The following CYP4X1 variants were observed in gnomAD, a reference collection of about 807,000 sequenced individuals.
The protein encoded by CYP4X1 is cytochrome P450 family 4 subfamily X member 1.
Under a neutral mutation model 57.9 loss-of-function variants are expected in CYP4X1, and 44 were observed. That is an observed-to-expected ratio of 0.76 (90% CI 0.60 to 0.98). The LOEUF (loss-of-function observed/expected upper bound fraction) is 0.98. CYP4X1 is among the 50% of genes least tolerant of loss of function. The probability of loss-of-function intolerance (pLI) is 0.00; values close to 1 mark genes in which losing one functional copy is unlikely to be tolerated. For missense variants in CYP4X1, 532 were observed against 623.9 expected (o/e 0.85, Z 1.57); for synonymous variants, 227 against 228.6 (o/e 0.99, Z 0.06).
At chr1:46,964,881 C>T in the CYP4X1 span, among the ~76,000 whole-genome samples, 1 of 152,210 alleles carries the variant, frequency 6.6e-6, no homozygotes, top group African/African-American at 2.4e-5. Context: ...CTGCAGTGGG[C>T]TTCACCCAGT....
chr1:47,037,579 A>G (rs1289733722), intron 6 of CYP4X1, among the ~76,000 whole-genome samples: 1 of 152,106 alleles, frequency 6.6e-6, no homozygotes, highest in Non-Finnish European at 1.5e-5. Context: ...TAGATTAGAT[A>G]AGTCCTTGTT....
chr1:46,998,138 GTTTT>G, the CYP4X1 span, among the ~76,000 whole-genome samples: 29 of 151,416 alleles, frequency 1.9e-4, no homozygotes, highest in African/African-American at 7.0e-4. Flanking sequence ...GGTTTATTAG[GTTTT>G]TTTGTTTGTT....
the CYP4X1 span, among the ~76,000 whole-genome samples, chr1:46,982,389 T>G: frequency 8.5e-5 from 13 of 152,350 alleles, no homozygotes; most frequent in Non-Finnish European, 2.9e-5. Flanking sequence ...TTCTTTCTAG[T>G]TAAGAACCAT....
chr1:47,023,664 C>T (rs1644023401), upstream of CYP4X1: 2 of 1,418,562 alleles, frequency 1.4e-6, no homozygotes, highest in Admixed American at 2.9e-5. Context: ...TGAGCTGCCC[C>T]TCCCACTGCC....
the CYP4X1 span, among the ~76,000 whole-genome samples, chr1:46,976,829 C>G: frequency 6.6e-6 from 1 of 152,184 alleles, no homozygotes. Context: ...CCCAGGCAAA[C>G]AGTGTTGGGA....
Position 47,030,069 on chromosome 1 carries a change from C to T in CYP4X1, c.257C>T (p.Pro86Leu). 1 of 1,613,952 alleles carries T rather than the reference C, an allele frequency of 6.2e-7. No homozygotes were observed. The highest frequency in any genetic ancestry group is 8.5e-7 in the Non-Finnish European group (1 of 1,179,954). Residue 86 changes from proline to leucine, a missense_variant, in exon 2 of 12, where the codon CCC becomes CTC. Pro to Leu is a moderately conservative substitution (Grantham distance 98). Transcript: ENST00000371901. The stretch of plus-strand genomic sequence containing the variant: ...CGTGCCTTCCCTTTCTGGATTGGGC[C>T]CTTTCAGGCATTTTTCTGTATCTAT... ...YPRAFPFWIG[P>L]FQAFFCIYDP...
chr1:46,961,768 C>A, the CYP4X1 span: 2 of 1,309,744 alleles, frequency 1.5e-6, no homozygotes, highest in Non-Finnish European at 2.0e-6. Context: ...TGAGTAAGCA[C>A]CTGCCTTTCT....
chr1:47,008,103 C>A, the CYP4X1 span, among the ~76,000 whole-genome samples: 582 of 152,216 alleles, frequency 3.8e-3, 1 homozygote, highest in African/African-American at 0.013. Flanking sequence ...AGAAGAGCAA[C>A]TCCAAGACAC....
intron 8 of CYP4X1, among the ~76,000 whole-genome samples, chr1:47,042,156 C>G (rs761061197): frequency 5.3e-5 from 8 of 151,940 alleles, no homozygotes; most frequent in Admixed American, 6.6e-5. Flanking sequence ...TTTAGAAGCT[C>G]TATGCTGTTT....
At chr1:47,049,299 C>T in intron 10 of CYP4X1, 123 bp from the exon 11 acceptor site, 4 of 705,806 alleles carry the variant, frequency 5.7e-6, no homozygotes, top group African/African-American at 1.7e-5. Context: ...ATGTGACCAC[C>T]AGAACATTTT....
the CYP4X1 span, among the ~76,000 whole-genome samples, chr1:46,990,159 G>A: frequency 6.6e-6 from 1 of 152,082 alleles, no homozygotes; most frequent in Non-Finnish European, 1.5e-5. Flanking sequence ...ATCTGACAAA[G>A]GGCCAATATC....
intron 1 of CYP4X1, 25 bp downstream of exon 1, chr1:47,024,019 A>AGGAGGAGGGAGGGGC (rs1553151576): frequency 1.3e-6 from 2 of 1,598,532 alleles, no homozygotes; most frequent in Non-Finnish European, 8.5e-7. Flanking sequence ...GGAGGGAGGA[A>AGGAGGAGGGAGGGGC]GGAGGAGGGA....
the CYP4X1 span, among the ~76,000 whole-genome samples, chr1:46,975,724 T>A: frequency 1.3e-5 from 2 of 152,152 alleles, no homozygotes; most frequent in Admixed American, 1.3e-4. Context: ...TAGTGAGGCT[T>A]GGGAAATTTT....
the CYP4X1 span, among the ~76,000 whole-genome samples, chr1:46,970,332 C>T: frequency 2.0e-5 from 3 of 152,164 alleles, no homozygotes; most frequent in African/African-American, 7.2e-5. Context: ...GGAGCAATGA[C>T]TCCATGGTGT....
the CYP4X1 span, among the ~76,000 whole-genome samples, chr1:46,977,771 G>A: frequency 6.6e-6 from 1 of 152,040 alleles, no homozygotes; most frequent in South Asian, 2.1e-4. Context: ...ACTAACAGCT[G>A]ATCTCTCGGC....
the CYP4X1 span, among the ~76,000 whole-genome samples, chr1:46,964,918 C>T: frequency 4.7e-4 from 72 of 152,330 alleles, no homozygotes; most frequent in African/African-American, 1.7e-3. Flanking sequence ...CTTTGTTTAC[C>T]TACTCAAGCC....
At chr1:46,997,894 C>A in the CYP4X1 span, among the ~76,000 whole-genome samples, 6 of 152,090 alleles carry the variant, frequency 3.9e-5, no homozygotes, top group Non-Finnish European at 7.4e-5. Context: ...TATGGCCATT[C>A]TGACCAGCTT....
the CYP4X1 span, among the ~76,000 whole-genome samples, chr1:47,001,382 A>G: frequency 3.3e-5 from 5 of 152,222 alleles, no homozygotes; most frequent in East Asian, 3.9e-4. Context: ...CTCTTCCACA[A>G]ACATTTCTGG....
At chr1:47,041,227 T>C (rs1644243301) in intron 8 of CYP4X1, among the ~76,000 whole-genome samples, 2 of 152,222 alleles carry the variant, frequency 1.3e-5, no homozygotes, top group Non-Finnish European at 2.9e-5. Context: ...ATATCTGGGC[T>C]ATTGTGAATA....
Sources: allele counts gnomAD v4.1 joint callset (sites outside exome capture counted in the v4.1 genomes callset), GRCh38; gene constraint gnomAD v4.1.1; transcripts MANE v1.5; gene names NCBI Gene and HGNC (gene_info 2026-07-23, HGNC 2026-07-21).